The following TRIM44 variants were observed in gnomAD, a reference collection of about 807,000 sequenced individuals.
TRIM44 encodes tripartite motif containing 44, also known as tripartite motif-containing protein 44.
A neutral mutation model predicts 37.4 loss-of-function variants in TRIM44; 13 were observed. The observed-to-expected ratio is 0.35, with a 90% CI of 0.23 to 0.55. The LOEUF is 0.55. Among genes scored for constraint, TRIM44 ranks in the 20% least tolerant of loss-of-function variants. The pLI, the probability that TRIM44 is intolerant of heterozygous loss-of-function variation, is 0.89. For synonymous variants in TRIM44, 175 were observed against 157.2 expected (o/e 1.11, Z -0.85); for missense variants, 426 against 437.2 (o/e 0.97, Z 0.23).
rs1424803430 is a variant in TRIM44, at chr11:35,663,390, C to T, written c.279C>T (p.Ser93=). ...VKVEQEREIE[S]EAGEESESEE... ...TGGAGCAGGAGAGGGAGATAGAAAG[C>T]GAGGCAGGGGAAGAGAGTGAGTCGG... The change falls in exon 1 of 5, where the codon AGC becomes AGT. Residue 93 remains serine, a synonymous_variant. Coordinates refer to ENST00000299413, the MANE Select transcript of TRIM44 (RefSeq NM_017583.6). 2 of 1,604,714 alleles carry T rather than the reference C, an allele frequency of 1.2e-6. No individual in the cohort carries two copies. Among genetic ancestry groups the T allele is most frequent in the Non-Finnish European group, 1.7e-6 (2 of 1,175,234 alleles).
At chr11:35,704,429 C>T (rs940018008) in intron 2 of TRIM44, among the ~76,000 whole-genome samples, 5 of 152,050 alleles carry the variant, frequency 3.3e-5, no homozygotes, top group Non-Finnish European at 5.9e-5. Flanking sequence ...AGATACTCCT[C>T]GAGAAGAGCA....
chr11:35,758,971 ATG>A (rs1252869108), intron 4 of TRIM44, among the ~76,000 whole-genome samples: 2 of 152,084 alleles, frequency 1.3e-5, no homozygotes, highest in African/African-American at 4.8e-5. Context: ...CCTGACAGTT[ATG>A]TGTCTTGGAG....
At chr11:35,704,970 T>C (rs868523731) in intron 2 of TRIM44, among the ~76,000 whole-genome samples, 6,648 of 147,958 alleles carry the variant, frequency 0.045, 508 homozygotes, top group African/African-American at 0.16. Flanking sequence ...GACTGGCAAA[T>C]TGGATAAAGA....
chr11:35,709,615 G>A (rs776268620), intron 2 of TRIM44, among the ~76,000 whole-genome samples: 1 of 152,116 alleles, frequency 6.6e-6, no homozygotes, highest in Non-Finnish European at 1.5e-5. Flanking sequence ...AACCCAGTTT[G>A]GTTCAGAAAT....
At chr11:35,791,860 G>C (rs896969084) in intron 4 of TRIM44, among the ~76,000 whole-genome samples, 7 of 152,170 alleles carry the variant, frequency 4.6e-5, no homozygotes, top group African/African-American at 1.7e-4. Flanking sequence ...ACACCACTGT[G>C]TTCCATCACT....
chr11:35,754,633 C>A (rs534642181), intron 4 of TRIM44, among the ~76,000 whole-genome samples: 122 of 151,552 alleles, frequency 8.1e-4, no homozygotes, highest in Non-Finnish European at 1.5e-3. Context: ...TTAGGTATAT[C>A]TCCTAATGCT....
In TRIM44 at chr11:35,663,425, G is replaced by C; in HGVS notation, c.314G>C (p.Ser105Thr). The C allele has an allele frequency of 6.4e-7, 1 of 1,570,734 alleles. No homozygotes were observed. Among genetic ancestry groups the C allele is most frequent in the Non-Finnish European group, 8.7e-7 (1 of 1,155,930 alleles). ...AGEESESEEE[S>T]ESEEESETEE... ...GAAGAGAGTGAGTCGGAGGAAGAGA[G>C]CGAGTCAGAGGAAGAGAGCGAGACA... The change falls in exon 1 of 5, where the codon AGC becomes ACC. Residue 105 changes from serine (S) to threonine (T), a missense_variant. Ser to Thr is a moderately conservative substitution (Grantham distance 58). Coordinates refer to ENST00000299413, the MANE Select transcript of TRIM44 (RefSeq NM_017583.6).
rs563312185 is a variant in TRIM44, at chr11:35,767,222, T to G, written c.1007+31777T>G. On this transcript the variant is annotated intron_variant, in intron 4 of 4. Transcript: ENST00000299413. ...TTAGCTGAAATTATTTTAATCATTA[T>G]AGTGGTATTAAATGGGCTGTTATCG... 3.3e-5 allele frequency among the ~76,000 whole-genome samples: 5 copies of G among 152,330 alleles called. No homozygotes were observed. In the East Asian group the frequency reaches 9.6e-4, roughly 29 times the overall value.
intron 4 of TRIM44, among the ~76,000 whole-genome samples, chr11:35,795,678 A>G (rs1853274268): frequency 6.6e-6 from 1 of 152,076 alleles, no homozygotes; most frequent in Non-Finnish European, 1.5e-5. Flanking sequence ...AGGTGACAAC[A>G]GTGTTAACTC....
Position 35,662,875 on chromosome 11 carries a change from G to A in TRIM44, c.-237G>A. The A allele has an allele frequency of 1.8e-6, 1 of 549,176 alleles. No homozygotes were observed. The highest frequency in any genetic ancestry group is 2.6e-6 in the Non-Finnish European group (1 of 378,106). The allele number at this position is 549,176 out of a possible 1,614,324, so 34.0% of individuals were successfully genotyped here. ...GGTGGCCGCGCCGGAAGTGCCTTGCGCGGCAGAGGAAGCGCAGGGACAGAG... is the reference window on the plus strand; with the variant it reads ...GGTGGCCGCGCCGGAAGTGCCTTGCACGGCAGAGGAAGCGCAGGGACAGAG... On this transcript the variant is annotated 5_prime_UTR_variant, in exon 1 of 5. Transcript: ENST00000299413.
intron 4 of TRIM44, among the ~76,000 whole-genome samples, chr11:35,789,859 A>G (rs891804209): frequency 1.3e-5 from 2 of 151,302 alleles, no homozygotes; most frequent in East Asian, 1.9e-4. Flanking sequence ...CTTGATTTCT[A>G]TTGAAATCAA....
chr11:35,794,390 G>C (rs1853255050), intron 4 of TRIM44, among the ~76,000 whole-genome samples: 1 of 152,224 alleles, frequency 6.6e-6, no homozygotes, highest in Non-Finnish European at 1.5e-5. Context: ...GTTTTATAGA[G>C]AAGCCAGATG....
At chr11:35,734,187 CAT>C (rs138033159) in intron 3 of TRIM44, among the ~76,000 whole-genome samples, 10 of 151,300 alleles carry the variant, frequency 6.6e-5, no homozygotes, top group Non-Finnish European at 8.9e-5. Context: ...CCTTAGTTAG[CAT>C]ATATATATAT....
intron 4 of TRIM44, among the ~76,000 whole-genome samples, chr11:35,765,522 G>T (rs1420404512): frequency 6.6e-6 from 1 of 152,162 alleles, no homozygotes; most frequent in African/African-American, 2.4e-5. Flanking sequence ...CATCCTAATG[G>T]TAAGCTCTGT....
intron 4 of TRIM44, among the ~76,000 whole-genome samples, chr11:35,755,801 G>T (rs1852629441): frequency 1.3e-5 from 2 of 152,292 alleles, no homozygotes; most frequent in Admixed American, 1.3e-4. Context: ...GTTTGTCAAA[G>T]ATCAGATAGT....
At chr11:35,796,359 C>T (rs1379950064) in intron 4 of TRIM44, among the ~76,000 whole-genome samples, 1 of 152,212 alleles carries the variant, frequency 6.6e-6, no homozygotes, top group Non-Finnish European at 1.5e-5. Context: ...TTTATTGATC[C>T]TTTCTCTTTT....
chr11:35,700,112 A>G (rs1851765682), intron 2 of TRIM44, among the ~76,000 whole-genome samples: 1 of 152,218 alleles, frequency 6.6e-6, no homozygotes, highest in South Asian at 2.1e-4. Context: ...TAAAGTTCAT[A>G]CGGAACCAAA....
intron 4 of TRIM44, among the ~76,000 whole-genome samples, chr11:35,762,549 G>C (rs1384861496): frequency 6.6e-6 from 1 of 152,190 alleles, no homozygotes; most frequent in East Asian, 1.9e-4. Context: ...GTGATAGGAT[G>C]AAATCCTTGC....
Position 35,717,829 on chromosome 11 carries a change from AT to A in TRIM44, c.748-8083del, listed in dbSNP as rs112299891. On this transcript the variant is annotated intron_variant, in intron 2 of 4. Transcript: ENST00000299413. Reference sequence around the variant, plus strand: ...AAGTAGCTGAATTTCTCAGAGCCTCATTTTTTTTTTTTATTATAAAAAATGA... The same window carrying A: ...AAGTAGCTGAATTTCTCAGAGCCTCATTTTTTTTTTTATTATAAAAAATGA... Among the ~76,000 whole-genome samples the A allele has an allele frequency of 4.5e-3, 656 of 145,920 alleles. 4 individuals carry two copies. Among genetic ancestry groups the A allele is most frequent in the African/African-American group, 0.01 (404 of 40,230 alleles).
Sources: allele counts gnomAD v4.1 joint callset (sites outside exome capture counted in the v4.1 genomes callset), GRCh38; gene constraint gnomAD v4.1.1; transcripts MANE v1.5; gene names NCBI Gene and HGNC (gene_info 2026-07-23, HGNC 2026-07-21).